The following VPS36 variants were observed in gnomAD, a reference collection of about 807,000 sequenced individuals.
The protein encoded by VPS36 is vacuolar protein-sorting-associated protein 36.
VPS36 carries 31 observed loss-of-function variants against 63.5 expected under a neutral mutation model. The observed-to-expected ratio is 0.49, with a 90% confidence interval of 0.37 to 0.66. The LOEUF (loss-of-function observed/expected upper bound fraction) is 0.66. VPS36 is among the 30% of genes least tolerant of loss of function. The pLI is 0.00. For synonymous variants in VPS36, 138 were observed against 157.2 expected, an observed-to-expected ratio of 0.88 and a Z score of 0.91; for missense variants, 338 against 463.7, an observed-to-expected ratio of 0.73 and a Z score of 2.49.
chr13:52,441,761 G>C (rs1006872043), intron 2 of VPS36, among the ~76,000 whole-genome samples: 1 of 151,620 alleles, frequency 6.6e-6, no homozygotes, highest in Non-Finnish European at 1.5e-5. Flanking sequence ...CAAAAAAAAG[G>C]GGGGGATGCG....
At chr13:52,436,252 C>CAT (rs1249784532) in intron 4 of VPS36, 38 bp downstream of exon 4, 1 of 1,419,664 alleles carries the variant, frequency 7.0e-7, no homozygotes, top group Non-Finnish European at 9.8e-7. Flanking sequence ...CACACACACA[C>CAT]ACCTTTCTAG....
At position 52,439,083 on chromosome 13, in the gene VPS36, T is replaced by C. The variant is rs74085783; in HGVS notation, c.236+15A>G. On this transcript the variant is annotated intron_variant, in intron 3 of 13. Transcript: ENST00000378060. ...TGTTTTCTGTGAATAAAGACTGTGCTATACACAGACTTACCTCTTCCCAAT... is the reference window on the plus strand; with the variant it reads ...TGTTTTCTGTGAATAAAGACTGTGCCATACACAGACTTACCTCTTCCCAAT... 2,765 of 1,612,044 alleles carry C rather than the reference T, an allele frequency of 1.7e-3. 34 individuals are homozygous for C. The African/African-American group carries it at 0.03, about 17-fold the overall frequency.
intron 6 of VPS36, among the ~76,000 whole-genome samples, chr13:52,428,256 G>T (rs1399012770): frequency 2.0e-5 from 3 of 152,040 alleles, no homozygotes; most frequent in African/African-American, 7.2e-5. Flanking sequence ...TATACTCCCA[G>T]TGCAGAATCT....
chr13:52,439,147 G>C lies in VPS36; in HGVS notation c.187C>G (p.Leu63Val). 1 of 1,613,872 alleles carries C rather than the reference G, an allele frequency of 6.2e-7. No homozygotes were observed. The highest frequency in any genetic ancestry group is 8.5e-7 in the Non-Finnish European group (1 of 1,179,914). ...TCTTCAATGAACACAATTTGGGAAAGGAGAATGGCCATGCAACACTCCTAG... is the reference window on the plus strand; with the variant it reads ...TCTTCAATGAACACAATTTGGGAAACGAGAATGGCCATGCAACACTCCTAG... ...KNHECCMAIL[L>V]SQIVFIEEQA... is the part of the protein sequence containing the mutation. Residue 63 changes from leucine to valine, a missense_variant, in exon 3 of 14, where the codon CTT becomes GTT. Transcript: ENST00000378060.
At chr13:52,447,009 G>A (rs1481879479) in intron 1 of VPS36, among the ~76,000 whole-genome samples, 2 of 151,550 alleles carry the variant, frequency 1.3e-5, no homozygotes, top group Admixed American at 6.6e-5. Flanking sequence ...CCAAGTAGCT[G>A]GGATTACAGG....
chr13:52,422,903 C>T (rs921418887), intron 10 of VPS36, among the ~76,000 whole-genome samples: 1 of 152,148 alleles, frequency 6.6e-6, no homozygotes, highest in Non-Finnish European at 1.5e-5. Context: ...CACATATTTT[C>T]GAGGGACCTG....
chr13:52,416,298 G>A (rs2137767517), intron 12 of VPS36: 1 of 562,280 alleles, frequency 1.8e-6, no homozygotes, highest in South Asian at 2.3e-5. Flanking sequence ...GTACCCAGAA[G>A]AGACATAGTA....
In VPS36 at chr13:52,415,866, C is replaced by T. The variant is rs766179757; in HGVS notation, c.1125G>A (p.Leu375=). ...TCATAAATAAATTTGGGTAAAAACGCAGGCCTTCCACTGAGTCATCACGGC... is the reference window on the plus strand; with the variant it reads ...TCATAAATAAATTTGGGTAAAAACGTAGGCCTTCCACTGAGTCATCACGGC... The part of the protein sequence containing the change: ...HLCRDDSVEG[L]RFYPNLFMTQ... Residue 375 remains leucine, a synonymous_variant, in exon 14 of 14, where the codon CTG becomes CTA. Coordinates refer to ENST00000378060, the MANE Select transcript of VPS36 (RefSeq NM_016075.4). The T allele has an allele frequency of 1.2e-6, 2 of 1,614,010 alleles. No homozygotes were observed. The highest frequency in any genetic ancestry group is 2.2e-5 in the East Asian group (1 of 44,860).
chr13:52,447,892 C>G (rs2137814593), intron 1 of VPS36, among the ~76,000 whole-genome samples: 1 of 151,898 alleles, frequency 6.6e-6, no homozygotes, highest in Non-Finnish European at 1.5e-5. Flanking sequence ...GGCTTTGAGT[C>G]TGATCAACAG....
At chr13:52,416,831 C>T (rs537093649) in intron 12 of VPS36, among the ~76,000 whole-genome samples, 4 of 152,308 alleles carry the variant, frequency 2.6e-5, no homozygotes, top group African/African-American at 9.6e-5. Flanking sequence ...TTCTAATTCT[C>T]CTTACATGTA....
At chr13:52,437,668 T>G (rs1033189316) in intron 3 of VPS36, among the ~76,000 whole-genome samples, 10 of 152,148 alleles carry the variant, frequency 6.6e-5, no homozygotes, top group African/African-American at 2.2e-4. Context: ...CGGTGGCTCA[T>G]GCCTGTAATC....
intron 6 of VPS36, among the ~76,000 whole-genome samples, chr13:52,427,618 A>G (rs1204639994): frequency 6.6e-6 from 1 of 152,138 alleles, no homozygotes; most frequent in African/African-American, 2.4e-5. Flanking sequence ...AAAAAAAAAA[A>G]AAAATTTAAA....
At position 52,433,751 on chromosome 13, in the gene VPS36, G is replaced by GAA. The variant is rs555586882; in HGVS notation, c.442-5_442-4dup. The GAA allele has an allele frequency of 2.8e-5, 39 of 1,386,302 alleles. No homozygotes were observed. The highest frequency in any genetic ancestry group is 6.7e-5 in the Admixed American group (3 of 44,788). 85.9% of individuals were successfully genotyped at this position (1,386,302 alleles called of 1,614,324 possible). On this transcript the variant is annotated splice_polypyrimidine_tract_variant and splice_region_variant and intron_variant, in intron 5 of 13. Coordinates refer to ENST00000378060, the MANE Select transcript of VPS36 (RefSeq NM_016075.4). ...CCTACAGCCCTTATTCTTCCTGGCT[G>GAA]AAAAAAAAAAGAGGTAGAAAATAAA...
intron 9 of VPS36, 116 bp from the exon 10 acceptor site, chr13:52,423,755 T>G: frequency 1.1e-6 from 1 of 929,528 alleles, no homozygotes; most frequent in South Asian, 1.7e-5. Flanking sequence ...TTTAAGAAGC[T>G]TATAAAAAAC....
At chr13:52,422,423 G>A (rs1489435195) in intron 10 of VPS36, among the ~76,000 whole-genome samples, 1 of 152,090 alleles carries the variant, frequency 6.6e-6, no homozygotes, top group African/African-American at 2.4e-5. Context: ...TAGTTAGGGG[G>A]TATATGTGAA....
At chr13:52,430,121 G>T (rs1958140546) in intron 6 of VPS36, among the ~76,000 whole-genome samples, 1 of 149,482 alleles carries the variant, frequency 6.7e-6, no homozygotes, top group Non-Finnish European at 1.5e-5. Flanking sequence ...AAAAATAAAA[G>T]AAAAAAATCA....
In VPS36 at chr13:52,414,920, A is replaced by G. The variant is rs1201901601; in HGVS notation, c.*910T>C. 6.6e-6 allele frequency: 1 copy of G among 152,250 alleles called. No homozygotes were observed. The highest frequency in any genetic ancestry group is 1.5e-5 in the Non-Finnish European group (1 of 68,044). 9.4% of individuals were successfully genotyped at this position (152,250 alleles called of 1,614,324 possible). A position where few individuals can be genotyped will look rare whatever the true frequency, so the allele number is the denominator to read the frequency against. The stretch of plus-strand genomic sequence containing the variant: ...TTTTTCCACACAACTTACAACATAA[A>G]GGACAAAGAAAAAATATTGCTGGAA... On this transcript the variant is annotated 3_prime_UTR_variant, in exon 14 of 14. Coordinates refer to ENST00000378060, the MANE Select transcript of VPS36 (RefSeq NM_016075.4).
At chr13:52,450,449 A>C in intron 1 of VPS36, 50 bp downstream of exon 1, 1 of 1,547,360 alleles carries the variant, frequency 6.5e-7, no homozygotes. Context: ...CCGCGCGCCC[A>C]CCGGGGGTCC....
intron 2 of VPS36, among the ~76,000 whole-genome samples, chr13:52,440,427 G>A (rs1244000314): frequency 6.6e-6 from 1 of 152,124 alleles, no homozygotes; most frequent in Non-Finnish European, 1.5e-5. Context: ...CTGAGTAGCT[G>A]GGATTACAGG....
Sources: allele counts gnomAD v4.1 joint callset (sites outside exome capture counted in the v4.1 genomes callset), GRCh38; gene constraint gnomAD v4.1.1; transcripts MANE v1.5; gene names NCBI Gene and HGNC (gene_info 2026-07-23, HGNC 2026-07-21).